RORA: variants seen among roughly 807,000 people sequenced by gnomAD.
RORA encodes the protein RAR related orphan receptor A, also known as nuclear receptor ROR-alpha.
A neutral mutation model predicts 69.5 loss-of-function variants in RORA; 7 were observed. The ratio of observed to expected loss-of-function variants is 0.10; its 90% CI spans 0.06 to 0.19. The LOEUF (loss-of-function observed/expected upper bound fraction) is 0.19. Among genes scored for constraint, RORA ranks in the 10% least tolerant of loss-of-function variants. The pLI is 1.00. For missense variants in RORA, 457 were observed against 663.0 expected, an observed-to-expected ratio of 0.69 and a Z score of 3.41; for synonymous variants, 261 against 240.8, an observed-to-expected ratio of 1.08 and a Z score of -0.78.
intron 1 of RORA, among the ~76,000 whole-genome samples, chr15:61,064,357 T>G (rs921605987): frequency 1.3e-5 from 2 of 152,252 alleles, no homozygotes; most frequent in African/African-American, 4.8e-5. Context: ...TTCCTTATTT[T>G]TGCAATGCCT....
chr15:60,616,285 G>A (rs1007725791), intron 2 of RORA, among the ~76,000 whole-genome samples: 13 of 152,130 alleles, frequency 8.5e-5, no homozygotes, highest in Non-Finnish European at 1.9e-4. Context: ...TGTGCTCAGG[G>A]TGGTGCTATG....
intron 1 of RORA, among the ~76,000 whole-genome samples, chr15:61,110,434 T>C (rs903284557): frequency 7.2e-5 from 11 of 152,086 alleles, no homozygotes; most frequent in Admixed American, 3.3e-4. Context: ...GTACAGCATA[T>C]AATACATGGT....
intron 1 of RORA, among the ~76,000 whole-genome samples, chr15:60,957,393 G>A (rs1893300199): frequency 6.6e-6 from 1 of 152,168 alleles, no homozygotes; most frequent in African/African-American, 2.4e-5. Context: ...CTTCAGCATG[G>A]AAGAACTAGT....
chr15:60,946,321 G>A (rs1247767329), intron 1 of RORA, among the ~76,000 whole-genome samples: 1 of 152,046 alleles, frequency 6.6e-6, no homozygotes, highest in Admixed American at 6.5e-5. Context: ...ATGACGAGCC[G>A]AAGCGGGACT....
At chr15:61,136,584 G>A (rs143714661) in intron 1 of RORA, among the ~76,000 whole-genome samples, 205 of 152,266 alleles carry the variant, frequency 1.3e-3, no homozygotes, top group African/African-American at 4.7e-3. Flanking sequence ...AGACAGAACT[G>A]GGGAAGAAAA....
intron 2 of RORA, among the ~76,000 whole-genome samples, chr15:60,584,235 G>A (rs2068268211): frequency 6.6e-6 from 1 of 152,166 alleles, no homozygotes; most frequent in Non-Finnish European, 1.5e-5. Flanking sequence ...TGAGACCCAG[G>A]GATCCGCCTT....
intron 1 of RORA, among the ~76,000 whole-genome samples, chr15:60,938,354 A>G (rs887279985): frequency 6.6e-6 from 1 of 152,226 alleles, no homozygotes; most frequent in Non-Finnish European, 1.5e-5. Context: ...CATAATTAAT[A>G]AAGATGATCA....
chr15:60,634,952 C>A (rs191779402), intron 2 of RORA, among the ~76,000 whole-genome samples: 1 of 152,318 alleles, frequency 6.6e-6, no homozygotes, highest in Non-Finnish European at 1.5e-5. Flanking sequence ...CACTAGTGAA[C>A]TTCTTGCTGT....
chr15:60,702,103 GATCAGTGCTTACCAGCGGTGGA>G (rs1435807026), intron 1 of RORA, among the ~76,000 whole-genome samples: 5 of 152,196 alleles, frequency 3.3e-5, no homozygotes, highest in African/African-American at 1.2e-4. Flanking sequence ...TTGAGGCTGG[GATCAGTGCTTACCAGCGGTGGA>G]ACATTGGGCA....
intron 1 of RORA, among the ~76,000 whole-genome samples, chr15:60,745,345 C>T (rs377571327): frequency 1.3e-5 from 2 of 152,232 alleles, no homozygotes; most frequent in South Asian, 2.1e-4. Flanking sequence ...TCCCAGGATC[C>T]GCATCTTCCT....
chr15:60,915,518 C>A (rs1891846658), intron 1 of RORA, among the ~76,000 whole-genome samples: 1 of 152,224 alleles, frequency 6.6e-6, no homozygotes, highest in Non-Finnish European at 1.5e-5. Context: ...GTCAAAGTTT[C>A]CATGGTGGCG....
chr15:60,520,326 C>G (rs2066121349), intron 3 of RORA: 1 of 152,114 alleles, frequency 6.6e-6, no homozygotes, highest in Non-Finnish European at 1.5e-5. Flanking sequence ...CAGACGAATA[C>G]TGAACTTTGC....
intron 1 of RORA, among the ~76,000 whole-genome samples, chr15:60,930,806 C>T (rs1035153726): frequency 3.3e-5 from 5 of 152,100 alleles, no homozygotes; most frequent in African/African-American, 4.8e-5. Context: ...CTTTGAGGTC[C>T]GTGAGCAGAG....
chr15:61,210,635 C>T (rs1002893147), intron 1 of RORA, among the ~76,000 whole-genome samples: 1 of 152,084 alleles, frequency 6.6e-6, no homozygotes, highest in Non-Finnish European at 1.5e-5. Flanking sequence ...GCTATGAATA[C>T]CCTTTTATGT....
chr15:60,984,266 T>C (rs1894129833), intron 1 of RORA, among the ~76,000 whole-genome samples: 1 of 152,122 alleles, frequency 6.6e-6, no homozygotes, highest in Non-Finnish European at 1.5e-5. Flanking sequence ...AAACTAGATT[T>C]AAGCAATGGA....
At chr15:60,625,961 T>C (rs2069566161) in intron 2 of RORA, among the ~76,000 whole-genome samples, 1 of 152,228 alleles carries the variant, frequency 6.6e-6, no homozygotes, top group Non-Finnish European at 1.5e-5. Context: ...ATATGAGCTT[T>C]GTAACATTTT....
At chr15:61,069,656 G>A (rs755710277) in intron 1 of RORA, among the ~76,000 whole-genome samples, 2 of 150,954 alleles carry the variant, frequency 1.3e-5, no homozygotes, top group Non-Finnish European at 2.9e-5. Context: ...TTGTGAAAAA[G>A]TCCCCAAGCA....
intron 1 of RORA, among the ~76,000 whole-genome samples, chr15:61,036,835 A>C (rs1431027574): frequency 6.6e-6 from 1 of 150,398 alleles, no homozygotes; most frequent in Non-Finnish European, 1.5e-5. Flanking sequence ...TCCCAAAACA[A>C]GAAAACAAAG....
intron 1 of RORA, among the ~76,000 whole-genome samples, chr15:61,192,950 T>G (rs963924434): frequency 6.6e-6 from 1 of 151,062 alleles, no homozygotes; most frequent in African/African-American, 2.5e-5. Flanking sequence ...ACATACTAGT[T>G]GTTGCTATTC....
Sources: allele counts gnomAD v4.1 joint callset (sites outside exome capture counted in the v4.1 genomes callset), GRCh38; gene constraint gnomAD v4.1.1; transcripts MANE v1.5; gene names NCBI Gene and HGNC (gene_info 2026-07-23, HGNC 2026-07-21).